Variants in PIGZ observed in about 807,000 individuals in gnomAD.
PIGZ encodes phosphatidylinositol glycan anchor biosynthesis class Z (Gwada blood group), also known as GPI alpha-1,2-mannosyltransferase 4.
Under a neutral mutation model 16.4 loss-of-function variants are expected in PIGZ, and 16 were observed. The observed-to-expected ratio is 0.97, with a 90% CI of 0.66 to 1.48. PIGZ has a LOEUF of 1.48. PIGZ is among the 40% of genes most tolerant of loss of function. The pLI is 0.00. For synonymous variants in PIGZ, 409 were observed against 338.4 expected (o/e 1.21, Z -2.29); for missense variants, 770 against 739.2 (o/e 1.04, Z -0.48).
chr3:196,959,608 T>G (rs903547519), intron 1 of PIGZ, among the ~76,000 whole-genome samples: 6 of 152,288 alleles, frequency 3.9e-5, no homozygotes, highest in African/African-American at 1.2e-4. Flanking sequence ...AAACTGTATG[T>G]CCCCTCCTTC....
intron 1 of PIGZ, among the ~76,000 whole-genome samples, chr3:196,962,006 C>A (rs60345835): frequency 0.31 from 47,815 of 152,006 alleles, 8,334 homozygotes; most frequent in East Asian, 0.77. Context: ...AATTCCCTAT[C>A]CTGAACTTCC....
chr3:196,950,231 C>T (rs1421594957), intron 2 of PIGZ, among the ~76,000 whole-genome samples: 1 of 152,104 alleles, frequency 6.6e-6, no homozygotes, highest in African/African-American at 2.4e-5. Flanking sequence ...GTGATCCACC[C>T]GCCTCAGCCT....
At chr3:196,966,778 C>G (rs963646488) in intron 1 of PIGZ, among the ~76,000 whole-genome samples, 1 of 152,238 alleles carries the variant, frequency 6.6e-6, no homozygotes, top group African/African-American at 2.4e-5. Flanking sequence ...AACCACCCAC[C>G]TTAACCTAAT....
chr3:196,955,954 T>G (rs1476020114), intron 1 of PIGZ, among the ~76,000 whole-genome samples: 1 of 152,096 alleles, frequency 6.6e-6, no homozygotes, highest in African/African-American at 2.4e-5. Flanking sequence ...TTCAATTTTT[T>G]TTGTCCTTTC....
rs780767204 is a variant in PIGZ at position 196,947,465 on chromosome 3, G to C, written c.1432C>G (p.Leu478Val). Residue 478 changes from leucine (L) to valine (V), a missense_variant, in exon 3 of 3, where the codon CTG (leucine) becomes GTG (valine). Coordinates refer to ENST00000412723, the MANE Select transcript of PIGZ (RefSeq NM_025163.4). ...PPRHLLHLPG[L>V]GAPVEVVDMG... ...TCCACCACCTCCACTGGTGCCCCCA[G>C]GCCTGGGAGGTGTAGGAGGTGCCGG... 3.7e-6 allele frequency: 6 copies of C among 1,613,688 alleles called. No individual in the cohort carries two copies. Among genetic ancestry groups the C allele is most frequent in the East Asian group, 4.5e-5 (2 of 44,882 alleles).
chr3:196,951,086 CTA>C (rs552101278), intron 2 of PIGZ, among the ~76,000 whole-genome samples: 10 of 152,346 alleles, frequency 6.6e-5, no homozygotes, highest in Admixed American at 1.3e-4. Flanking sequence ...GATATAAAGA[CTA>C]TAATTTTTAG....
Position 196,948,101 on chromosome 3 carries a change from C to T in PIGZ, c.796G>A (p.Ala266Thr), listed in dbSNP as rs574365. ...REALVLLPGA[A>T]LTAAVFVATD... The stretch of plus-strand genomic sequence containing the variant: ...GCCACAAACACCGCTGCTGTGAGGG[C>T]TGCCCCAGGGAGCAGCACCAGGGCC... The change falls in exon 3 of 3, where the codon GCC becomes ACC. Residue 266 changes from alanine (A) to threonine (T), a missense_variant. Transcript: ENST00000412723. 1,169,154 of 1,588,392 alleles carry T rather than the reference C, an allele frequency of 0.74. 433,678 individuals are homozygous for T. Among genetic ancestry groups the T allele is most frequent in the East Asian group, 0.91 (40,622 of 44,494 alleles).
At chr3:196,952,922 ACTCTATGT>A (rs1717347314) in intron 1 of PIGZ, among the ~76,000 whole-genome samples, 1 of 151,868 alleles carries the variant, frequency 6.6e-6, no homozygotes, top group Non-Finnish European at 1.5e-5. Flanking sequence ...GGGTCTTCAG[ACTCTATGT>A]CTCACACCAG....
In PIGZ at chr3:196,964,565, C is replaced by A. The variant is rs529154740; in HGVS notation, c.-1+4122G>T. On this transcript the variant is annotated intron_variant, in intron 1 of 2. Coordinates refer to ENST00000412723, the MANE Select transcript of PIGZ (RefSeq NM_025163.4). ...TAGAGATGGGGTTTCACCATCTTGG[C>A]CAGGCTGGTCTCAAACTCCTACCTC... 7.3e-5 allele frequency among the ~76,000 whole-genome samples: 11 copies of A among 151,456 alleles called. No individual in the cohort carries two copies. The South Asian group carries it at 2.3e-3, about 32-fold the overall frequency.
chr3:196,968,811 C>A lies in PIGZ; in HGVS notation c.-125G>T, dbSNP rs1324965979. The A allele has an allele frequency of 6.6e-6, 1 of 150,416 alleles. No individual in the cohort carries two copies. The highest frequency in any genetic ancestry group is 2.4e-5 in the African/African-American group (1 of 41,252). 9.3% of individuals were successfully genotyped at this position (150,416 alleles called of 1,614,324 possible). On this transcript the variant is annotated 5_prime_UTR_variant, in exon 1 of 3. Coordinates refer to ENST00000412723, the MANE Select transcript of PIGZ (RefSeq NM_025163.4). The stretch of plus-strand genomic sequence containing the variant: ...AGGGGAGGCCGTGGGAGCGGCCGGG[C>A]GCGCCTCAGCAGCGCGGAGACTGGG...
At chr3:196,957,381 C>CT (rs34320533) in intron 1 of PIGZ, among the ~76,000 whole-genome samples, 69,592 of 143,454 alleles carry the variant, frequency 0.49, 17,128 homozygotes, top group East Asian at 0.78. Context: ...TTTTTTCTTC[C>CT]TTTTTTTTTT....
chr3:196,951,800 G>A (rs980084203), intron 2 of PIGZ, 21 bp downstream of exon 2: 12 of 1,612,528 alleles, frequency 7.4e-6, no homozygotes, highest in Non-Finnish European at 1.0e-5. Context: ...GCTTGTCTCA[G>A]CCACACATGC....
Position 196,951,896 on chromosome 3 carries a change from C to T in PIGZ, c.136G>A (p.Val46Met), listed in dbSNP as rs756808926. The change falls in exon 2 of 3, where the codon GTG becomes ATG. Residue 46 changes from valine (V) to methionine (M), a missense_variant. Val to Met is a conservative substitution (Grantham distance 21, BLOSUM62 1). Transcript: ENST00000412723. ...VLWGGLSLLR[V>M]LWCLLPQTGY... ...GTCTGCGGAAGGAGACACCACAGCA[C>T]TCGGAGCAGGCTGAGACCACCCCAA... 1.9e-6 allele frequency: 3 copies of T among 1,614,200 alleles called. No individual in the cohort carries two copies. The highest frequency in any genetic ancestry group is 2.5e-6 in the Non-Finnish European group (3 of 1,180,040).
chr3:196,958,588 G>A (rs1217748908), intron 1 of PIGZ, among the ~76,000 whole-genome samples: 3 of 152,182 alleles, frequency 2.0e-5, no homozygotes, highest in Non-Finnish European at 2.9e-5. Flanking sequence ...CCAAGATCGC[G>A]CCACTGCACT....
At chr3:196,948,971 C>CTT (rs1560181296) in intron 2 of PIGZ, among the ~76,000 whole-genome samples, 262 of 21,354 alleles carry the variant, frequency 0.012, 47 homozygotes, top group Middle Eastern at 0.025. Context: ...CCTTCCCTTC[C>CTT]CCTCCCCTCC....
At chr3:196,964,111 T>C (rs531524429) in intron 1 of PIGZ, among the ~76,000 whole-genome samples, 3 of 152,092 alleles carry the variant, frequency 2.0e-5, no homozygotes, top group East Asian at 3.9e-4. Flanking sequence ...AGTGCAGTGG[T>C]GCAATCTCAG....
intron 2 of PIGZ, among the ~76,000 whole-genome samples, chr3:196,948,891 CTTCCTTCCCT>C (rs1717093594): frequency 1.9e-5 from 1 of 52,540 alleles, no homozygotes; most frequent in South Asian, 6.3e-4. Context: ...CTTCCTTCCC[CTTCCTTCCCT>C]TCCCCTCCCC....
chr3:196,950,788 A>G lies in PIGZ; in HGVS notation c.211+1033T>C, dbSNP rs1019565559. Among the ~76,000 whole-genome samples the G allele has an allele frequency of 2.6e-4, 37 of 143,642 alleles. No individual in the cohort carries two copies. The Admixed American group carries it at 2.8e-3, about 11-fold the overall frequency. 94.2% of individuals were successfully genotyped at this position (143,642 alleles called of 152,430 possible). On this transcript the variant is annotated intron_variant, in intron 2 of 2. Coordinates refer to ENST00000412723, the MANE Select transcript of PIGZ (RefSeq NM_025163.4). Reference sequence around the variant, plus strand: ...GAGATGGAGTCTCGCTCTGTTGCCCAGGCTGAAGTGCAGTGGCACAATCTT... The same window carrying G: ...GAGATGGAGTCTCGCTCTGTTGCCCGGGCTGAAGTGCAGTGGCACAATCTT...
Position 196,947,629 on chromosome 3 carries a change from C to G in PIGZ, c.1268G>C (p.Gly423Ala), listed in dbSNP as rs576204559. Residue 423 changes from glycine to alanine, a missense_variant, in exon 3 of 3, where the codon GGT becomes GCT. By Grantham distance (60) the Gly-to-Ala change is moderately conservative (BLOSUM62 0). Coordinates refer to ENST00000412723, the MANE Select transcript of PIGZ (RefSeq NM_025163.4). ...KGTVVLFNAL[G>A]ALLFGCLHQG... ...ATGCAGGCAGCCGAAGAGGAGGGCA[C>G]CGAGGGCGTTGAAGAGGACCACAGT... The G allele has an allele frequency of 6.8e-6, 11 of 1,612,738 alleles. No homozygotes were observed. The South Asian group carries it at 1.1e-4, about 16-fold the overall frequency.
Sources: allele counts gnomAD v4.1 joint callset (sites outside exome capture counted in the v4.1 genomes callset), GRCh38; gene constraint gnomAD v4.1.1; transcripts MANE v1.5; gene names NCBI Gene and HGNC (gene_info 2026-07-23, HGNC 2026-07-21).